FAM135B: variants seen among roughly 807,000 people sequenced by gnomAD.
FAM135B encodes protein FAM135B.
FAM135B carries 43 observed loss-of-function variants against 127.7 expected under a neutral mutation model. The ratio of observed to expected loss-of-function variants is 0.34; its 90% CI spans 0.26 to 0.43. FAM135B has a LOEUF of 0.43. Among genes scored for constraint, FAM135B ranks in the 20% least tolerant of loss-of-function variants. The pLI is 1.00. For missense variants in FAM135B, 1,558 were observed against 1,725.6 expected (o/e 0.90, Z 1.72); for synonymous variants, 670 against 665.1 (o/e 1.01, Z -0.11).
rs140041822 is a variant in FAM135B, at chr8:138,456,193, G to A, written c.-20+40478C>T. ...ACAATCACCCAAACACAACAAAACT[G>A]TGAAAATCCCCAGATTTATACTTTA... is the stretch of plus-strand genomic sequence containing the variant. On this transcript the variant is annotated intron_variant, in intron 1 of 19. Transcript: ENST00000395297. Among the ~76,000 whole-genome samples, 22 of 152,244 alleles carry A rather than the reference G, an allele frequency of 1.4e-4. No individual in the cohort carries two copies. In the East Asian group the frequency reaches 3.7e-3, roughly 25 times the overall value.
chr8:138,385,761 G>C (rs929266735), intron 1 of FAM135B, among the ~76,000 whole-genome samples: 3 of 152,032 alleles, frequency 2.0e-5, no homozygotes, highest in African/African-American at 7.2e-5. Context: ...GCAGTGAGCT[G>C]AGATGGCACC....
chr8:138,173,415 C>T (rs1435937450), intron 11 of FAM135B, among the ~76,000 whole-genome samples: 2 of 152,154 alleles, frequency 1.3e-5, no homozygotes, highest in African/African-American at 4.8e-5. Flanking sequence ...GGCCTCTGGG[C>T]TCCAACAGAT....
chr8:138,417,726 T>C (rs1291631998), intron 1 of FAM135B, among the ~76,000 whole-genome samples: 1 of 152,158 alleles, frequency 6.6e-6, no homozygotes, highest in Non-Finnish European at 1.5e-5. Context: ...CTTGGACCCC[T>C]GAAATCAATG....
intron 2 of FAM135B, among the ~76,000 whole-genome samples, chr8:138,361,704 C>T (rs1162749730): frequency 6.6e-6 from 1 of 152,152 alleles, no homozygotes; most frequent in Non-Finnish European, 1.5e-5. Context: ...CCGCCCACTC[C>T]CCCACTCTTA....
intron 7 of FAM135B, among the ~76,000 whole-genome samples, chr8:138,201,244 C>A (rs983616338): frequency 6.6e-6 from 1 of 152,206 alleles, no homozygotes; most frequent in African/African-American, 2.4e-5. Flanking sequence ...TTCTGCAAAG[C>A]TTCAGGACAC....
intron 1 of FAM135B, among the ~76,000 whole-genome samples, chr8:138,405,123 G>C (rs1246395457): frequency 6.6e-6 from 1 of 152,066 alleles, no homozygotes; most frequent in Non-Finnish European, 1.5e-5. Flanking sequence ...AATTGATGTT[G>C]TGCTAGCAGG....
At chr8:138,228,314 G>C (rs1303749953) in intron 7 of FAM135B, among the ~76,000 whole-genome samples, 1 of 151,894 alleles carries the variant, frequency 6.6e-6, no homozygotes, top group Non-Finnish European at 1.5e-5. Flanking sequence ...TTAGGTGTAG[G>C]GCTGAGGTTT....
Position 138,132,307 on chromosome 8 carries a change from T to A in FAM135B, c.*286A>T, listed in dbSNP as rs965700882. 20 of 350,740 alleles carry A rather than the reference T, an allele frequency of 5.7e-5. No homozygotes were observed. The South Asian group carries it at 6.4e-4, about 11-fold the overall frequency. 21.7% of individuals were successfully genotyped at this position (350,740 alleles called of 1,614,324 possible). ...TGGCTAGCAAGGGGAGCTCACCAACTCCCAAGTATTCTGTTTATTCTCTCA... is the reference window on the plus strand; with the variant it reads ...TGGCTAGCAAGGGGAGCTCACCAACACCCAAGTATTCTGTTTATTCTCTCA... On this transcript the variant is annotated 3_prime_UTR_variant, in exon 20 of 20. Transcript: ENST00000395297. The surrounding 1 kb of genome is among the most constrained non-coding windows in gnomAD (Gnocchi z 4.5).
intron 1 of FAM135B, among the ~76,000 whole-genome samples, chr8:138,489,504 A>G (rs1815120617): frequency 6.6e-6 from 1 of 152,178 alleles, no homozygotes; most frequent in Admixed American, 6.5e-5. Flanking sequence ...TGTATAATTT[A>G]CTTTTCTCCA....
intron 7 of FAM135B, among the ~76,000 whole-genome samples, chr8:138,206,098 C>T (rs1817532497): frequency 7.2e-6 from 1 of 138,696 alleles, no homozygotes; most frequent in Non-Finnish European, 1.5e-5. Context: ...ATACCCAGGG[C>T]TCCAGCATCA....
At chr8:138,208,032 AG>A (rs1200865079) in intron 7 of FAM135B, among the ~76,000 whole-genome samples, 2 of 152,188 alleles carry the variant, frequency 1.3e-5, no homozygotes, top group African/African-American at 4.8e-5. Flanking sequence ...ATTGTTTTTC[AG>A]TGCTGCTTCA....
intron 1 of FAM135B, among the ~76,000 whole-genome samples, chr8:138,446,478 C>T (rs1220866560): frequency 6.6e-6 from 1 of 152,154 alleles, no homozygotes; most frequent in Non-Finnish European, 1.5e-5. Flanking sequence ...TGGAACAGAA[C>T]AGAGGCCTCA....
intron 2 of FAM135B, among the ~76,000 whole-genome samples, chr8:138,360,162 A>G (rs546839915): frequency 6.6e-6 from 1 of 152,228 alleles, no homozygotes; most frequent in South Asian, 2.1e-4. Flanking sequence ...AATCAGTTTG[A>G]TTTAGAGTTT....
intron 12 of FAM135B, among the ~76,000 whole-genome samples, chr8:138,161,021 TA>T (rs1249192405): frequency 6.6e-6 from 1 of 152,186 alleles, no homozygotes; most frequent in Non-Finnish European, 1.5e-5. Context: ...ATTATCCTAT[TA>T]GAGGTCACTT....
chr8:138,486,728 C>T (rs1018374484), intron 1 of FAM135B, among the ~76,000 whole-genome samples: 1 of 152,202 alleles, frequency 6.6e-6, no homozygotes, highest in Non-Finnish European at 1.5e-5. Flanking sequence ...GCTTCCCTCT[C>T]TCTCTGAGGT....
chr8:138,197,795 G>T, intron 7 of FAM135B, 126 bp from the exon 8 acceptor site: 1 of 990,842 alleles, frequency 1.0e-6, no homozygotes, highest in Non-Finnish European at 1.5e-6. Context: ...GAAGGAAGCA[G>T]ACCCCATCCT....
chr8:138,448,900 A>G (rs1836340575), intron 1 of FAM135B, among the ~76,000 whole-genome samples: 1 of 152,106 alleles, frequency 6.6e-6, no homozygotes, highest in African/African-American at 2.4e-5. Flanking sequence ...CCAGGATTTA[A>G]AAGATGATCT....
chr8:138,147,558 G>T (rs1296191970), intron 14 of FAM135B, among the ~76,000 whole-genome samples: 3 of 152,160 alleles, frequency 2.0e-5, no homozygotes, highest in Non-Finnish European at 4.4e-5. Context: ...CTTGGAAATT[G>T]AATTTGAACA....
At chr8:138,173,211 C>T (rs1011321872) in intron 11 of FAM135B, among the ~76,000 whole-genome samples, 1 of 152,114 alleles carries the variant, frequency 6.6e-6, no homozygotes, top group Non-Finnish European at 1.5e-5. Context: ...TTTGTTTCAA[C>T]GTCAGGTTTA....
Sources: gnomAD v4.1 joint callset for allele counts (sites outside exome capture counted in the v4.1 genomes callset) on GRCh38, gnomAD v4.1.1 for gene constraint, Gnocchi (gnomAD v3.1) non-coding constraint, MANE v1.5 for transcripts, NCBI Gene and HGNC (gene_info 2026-07-23, HGNC 2026-07-21) for gene names.